Variants in MAP2K5 observed in about 807,000 individuals in gnomAD.
MAP2K5 encodes mitogen-activated protein kinase kinase 5, also known as dual specificity mitogen-activated protein kinase kinase 5.
A neutral mutation model predicts 83.1 loss-of-function variants in MAP2K5; 49 were observed. The ratio of observed to expected loss-of-function variants is 0.59; its 90% CI spans 0.47 to 0.75. The LOEUF is 0.75. Among genes scored for constraint, MAP2K5 ranks in the 30% least tolerant of loss-of-function variants. The pLI is 0.00. For missense variants in MAP2K5, 457 were observed against 557.5 expected (o/e 0.82, Z 1.82); for synonymous variants, 202 against 191.8 (o/e 1.05, Z -0.44).
chr15:67,618,581 G>A (rs1596658325), intron 8 of MAP2K5, among the ~76,000 whole-genome samples: 2 of 152,102 alleles, frequency 1.3e-5, no homozygotes, highest in African/African-American at 4.8e-5. Context: ...CTAAAACCGA[G>A]CTCTTTATTT....
chr15:67,691,271 T>C (rs986030482), intron 13 of MAP2K5, among the ~76,000 whole-genome samples: 4 of 152,240 alleles, frequency 2.6e-5, no homozygotes, highest in Non-Finnish European at 4.4e-5. Context: ...GGAATTTACA[T>C]TCAAATGTCA....
chr15:67,750,411 A>G lies in MAP2K5; in HGVS notation c.1134+1810A>G, dbSNP rs960605347. Among the ~76,000 whole-genome samples, 2 of 152,222 alleles carry G rather than the reference A, an allele frequency of 1.3e-5. No homozygotes were observed. The highest frequency in any genetic ancestry group is 2.9e-5 in the Non-Finnish European group (2 of 68,034). On this transcript the variant is annotated intron_variant, in intron 19 of 21. Transcript: ENST00000178640. The surrounding 1 kb of genome is among the most constrained non-coding windows in gnomAD (Gnocchi z 4.2). ...TTGGCCAGATGACCTGCCTTAGACA[A>G]GATGAATCATAGCATCTCGGAAAGG...
Position 67,749,593 on chromosome 15 carries a change from C to G in MAP2K5, c.1134+992C>G, listed in dbSNP as rs775577661. Among the ~76,000 whole-genome samples, 9 of 152,128 alleles carry G rather than the reference C, an allele frequency of 5.9e-5. No individual in the cohort carries two copies. The highest frequency in any genetic ancestry group is 1.0e-4 in the Non-Finnish European group (7 of 68,024). ...CTCCTAGGAAAAAAATAAACACACA[C>G]ACACATATCACAATAATAGTAAGAG... On this transcript the variant is annotated intron_variant, in intron 19 of 21. Coordinates refer to ENST00000178640, the MANE Select transcript of MAP2K5 (RefSeq NM_145160.3). This position sits in a 1 kb window ranked among gnomAD's most constrained non-coding sequence, Gnocchi z 4.6.
chr15:67,609,077 A>G (rs28698864), intron 8 of MAP2K5, among the ~76,000 whole-genome samples: 1,811 of 152,296 alleles, frequency 0.012, 45 homozygotes, highest in African/African-American at 0.041. Flanking sequence ...GCTGTTGTTC[A>G]GAACTGCTGA....
At chr15:67,550,166 C>G (rs1420230571) in intron 2 of MAP2K5, 84 bp downstream of exon 2, 5 of 986,702 alleles carry the variant, frequency 5.1e-6, no homozygotes, top group Non-Finnish European at 8.1e-6. Flanking sequence ...ACTTTAGAAA[C>G]TGACAAAAAC....
At chr15:67,608,865 G>A (rs72749359) in intron 8 of MAP2K5, among the ~76,000 whole-genome samples, 18,311 of 152,132 alleles carry the variant, frequency 0.12, 1,213 homozygotes, top group East Asian at 0.2. Flanking sequence ...TTCCCTGGAG[G>A]AGAGTCATGT....
intron 19 of MAP2K5, among the ~76,000 whole-genome samples, chr15:67,753,014 G>A (rs772514598): frequency 3.3e-5 from 5 of 152,132 alleles, no homozygotes; most frequent in Non-Finnish European, 5.9e-5. Context: ...ATACGGAATA[G>A]AATTCAAAGT....
At chr15:67,596,839 T>G (rs2085535964) in intron 7 of MAP2K5, among the ~76,000 whole-genome samples, 2 of 152,206 alleles carry the variant, frequency 1.3e-5, no homozygotes, top group Admixed American at 1.3e-4. Flanking sequence ...TTTATTTACT[T>G]TTTTAGTCAA....
At chr15:67,611,312 A>G (rs1047418920) in intron 8 of MAP2K5, among the ~76,000 whole-genome samples, 5 of 152,200 alleles carry the variant, frequency 3.3e-5, no homozygotes, top group Non-Finnish European at 7.3e-5. Context: ...CCATAGACAC[A>G]TGTACCGAGT....
In MAP2K5 at chr15:67,719,946, A is replaced by T. The variant is rs2088914569; in HGVS notation, c.1045-7970A>T. On this transcript the variant is annotated intron_variant, in intron 16 of 21. Transcript: ENST00000178640. The surrounding 1 kb of genome is among the most constrained non-coding windows in gnomAD (Gnocchi z 4.6). Reference sequence around the variant, plus strand: ...GAAAAAGACCTTTGCCATTGTTTTTAACTGACTTTTAGAGATTTAGTTATA... The same window carrying T: ...GAAAAAGACCTTTGCCATTGTTTTTTACTGACTTTTAGAGATTTAGTTATA... Among the ~76,000 whole-genome samples, 5 of 152,292 alleles carry T rather than the reference A, an allele frequency of 3.3e-5. No homozygotes were observed. The South Asian group carries it at 1.0e-3, about 32-fold the overall frequency.
chr15:67,784,683 G>A (rs1596969397), intron 21 of MAP2K5, among the ~76,000 whole-genome samples: 1 of 152,232 alleles, frequency 6.6e-6, no homozygotes, highest in East Asian at 1.9e-4. Flanking sequence ...AGGGGAAGCT[G>A]TGAGAATTTA....
chr15:67,621,720 A>G (rs1475793794), intron 8 of MAP2K5, among the ~76,000 whole-genome samples: 1 of 152,230 alleles, frequency 6.6e-6, no homozygotes, highest in African/African-American at 2.4e-5. Flanking sequence ...AAATAGACCT[A>G]GAGCAATCAA....
At chr15:67,735,847 C>T (rs142677132) in intron 17 of MAP2K5, among the ~76,000 whole-genome samples, 155 of 152,242 alleles carry the variant, frequency 1.0e-3, no homozygotes, top group African/African-American at 3.4e-3. Flanking sequence ...GTCTGGCTTT[C>T]ACGTGGCAGC....
chr15:67,579,140 C>A (rs2085125357), intron 3 of MAP2K5, among the ~76,000 whole-genome samples: 1 of 152,150 alleles, frequency 6.6e-6, no homozygotes, highest in African/African-American at 2.4e-5. Flanking sequence ...TTGCAGCCTT[C>A]CAGAAGCAAG....
chr15:67,585,263 C>G (rs751697182), intron 4 of MAP2K5, among the ~76,000 whole-genome samples: 1 of 152,118 alleles, frequency 6.6e-6, no homozygotes, highest in Non-Finnish European at 1.5e-5. Context: ...AAGTACTAAC[C>G]TGTAACTCAA....
At chr15:67,680,242 T>C (rs1030829939) in intron 13 of MAP2K5, among the ~76,000 whole-genome samples, 1 of 152,200 alleles carries the variant, frequency 6.6e-6, no homozygotes, top group African/African-American at 2.4e-5. Context: ...ATATTTGGCA[T>C]TGTATCCACT....
intron 8 of MAP2K5, among the ~76,000 whole-genome samples, chr15:67,612,969 G>A (rs2085962891): frequency 7.6e-6 from 1 of 130,870 alleles, no homozygotes; most frequent in African/African-American, 2.7e-5. Flanking sequence ...TTGTACTGCA[G>A]TATTGAAGTG....
chr15:67,582,681 G>A (rs1362493645), intron 4 of MAP2K5, among the ~76,000 whole-genome samples: 1 of 152,000 alleles, frequency 6.6e-6, no homozygotes, highest in East Asian at 1.9e-4. Flanking sequence ...AATTAGCCGG[G>A]CGTGGTGCAC....
rs1458072490 is a variant in MAP2K5 at position 67,555,285 on chromosome 15, G to A, written c.184+5203G>A. Among the ~76,000 whole-genome samples, 1 of 152,152 alleles carries A rather than the reference G, an allele frequency of 6.6e-6. No individual in the cohort carries two copies. Among genetic ancestry groups the A allele is most frequent in the Non-Finnish European group, 1.5e-5 (1 of 68,036 alleles). ...CAGGCGTGTCACATGGCGAGAGAGA[G>A]TGGAGGAGGTGCCAGGCTCCTTCAA... On this transcript the variant is annotated intron_variant, in intron 2 of 21. Transcript: ENST00000178640. This position sits in a 1 kb window ranked among gnomAD's most constrained non-coding sequence, Gnocchi z 5.2.
Sources: gnomAD v4.1 joint callset for allele counts (sites outside exome capture counted in the v4.1 genomes callset) on GRCh38, gnomAD v4.1.1 for gene constraint, Gnocchi (gnomAD v3.1) non-coding constraint, MANE v1.5 for transcripts, NCBI Gene and HGNC (gene_info 2026-07-23, HGNC 2026-07-21) for gene names.